Variants in FAT3 observed in about 807,000 individuals in gnomAD.
The protein encoded by FAT3 is FAT atypical cadherin 3, also known as protocadherin Fat 3.
A neutral mutation model predicts 310.2 loss-of-function variants in FAT3; 95 were observed. The observed-to-expected ratio is 0.31, with a 90% CI of 0.26 to 0.36. The LOEUF is 0.36. Among genes scored for constraint, FAT3 ranks in the 10% least tolerant of loss-of-function variants. FAT3 has a pLI of 1.00. For missense variants in FAT3, 5,408 were observed against 5,715.6 expected, an observed-to-expected ratio of 0.95 and a Z score of 1.74; for synonymous variants, 2,314 against 2,192.9, an observed-to-expected ratio of 1.06 and a Z score of -1.54.
Position 92,844,608 on chromosome 11 carries a change from C to T in FAT3, c.11241C>T (p.Asp3747=). 1 of 1,613,660 alleles carries T rather than the reference C, an allele frequency of 6.2e-7. No individual in the cohort carries two copies. Among genetic ancestry groups the T allele is most frequent in the Non-Finnish European group, 8.5e-7 (1 of 1,179,810 alleles). ...AILEKNCSGL[D]CQEQHCEQGL... ...TGGAGAAGAACTGCTCAGGGCTGGA[C>T]TGTCAGGAACAGCATTGTGAGCAAG... Residue 3747 remains aspartate (D), a synonymous_variant, in exon 19 of 28, where the codon GAC becomes GAT. Transcript: ENST00000525166.
At chr11:92,355,529 C>A in intron 2 of FAT3, 125 bp downstream of exon 2, 2 of 874,872 alleles carry the variant, frequency 2.3e-6, no homozygotes, top group East Asian at 2.6e-5. Context: ...GGTGCAGAGA[C>A]GACGCACATA....
chr11:92,475,453 A>G (rs1245983626), intron 2 of FAT3, among the ~76,000 whole-genome samples: 1 of 151,966 alleles, frequency 6.6e-6, no homozygotes, highest in African/African-American at 2.4e-5. Flanking sequence ...CTAGGGTCAG[A>G]GGGAAGGTGA....
chr11:92,276,660 A>G (rs890208151), intron 1 of FAT3, among the ~76,000 whole-genome samples: 1 of 152,158 alleles, frequency 6.6e-6, no homozygotes, highest in African/African-American at 2.4e-5. Context: ...TAGAGTAGAC[A>G]TAGCACAATC....
intron 1 of FAT3, among the ~76,000 whole-genome samples, chr11:92,308,875 C>T (rs1947211246): frequency 6.6e-6 from 1 of 152,014 alleles, no homozygotes; most frequent in East Asian, 1.9e-4. Flanking sequence ...ATAGCAGACC[C>T]AGTTTCCAGG....
rs1565252993 is a variant in FAT3 at position 92,355,167 on chromosome 11, GTC to G, written c.3061_3062del (p.Leu1021ValfsTer7). ...GCGGGCCAAAGACAAAGGGCGGCCTGTCTCTCTGTCATCTGTTTCCTTTGTTG... is the reference window on the plus strand; with the variant it reads ...GCGGGCCAAAGACAAAGGGCGGCCTGTCTCTGTCATCTGTTTCCTTTGTTG... Reference protein sequence around the residue: ...TVRAKDKGRPVSLSSVSFVEV... With the variant: ...TVRAKDKGRPXSLSSVSFVEV... On this transcript the variant is annotated frameshift_variant, in exon 2 of 28. Coordinates refer to ENST00000525166, the MANE Select transcript of FAT3 (RefSeq NM_001367949.2). LOFTEE classifies it high-confidence loss of function. The G allele has an allele frequency of 6.2e-7, 1 of 1,613,806 alleles. No homozygotes were observed. The highest frequency in any genetic ancestry group is 8.5e-7 in the Non-Finnish European group (1 of 1,179,832).
intron 1 of FAT3, among the ~76,000 whole-genome samples, chr11:92,291,884 A>C (rs1443574753): frequency 6.6e-6 from 1 of 152,024 alleles, no homozygotes; most frequent in Non-Finnish European, 1.5e-5. Context: ...AACTCCTTGT[A>C]CTTTGGGATT....
At chr11:92,773,537 A>G (rs1304117223) in intron 6 of FAT3, among the ~76,000 whole-genome samples, 1 of 152,174 alleles carries the variant, frequency 6.6e-6, no homozygotes, top group Admixed American at 6.6e-5. Context: ...TTTAGAATTC[A>G]TAATTTTATT....
chr11:92,268,449 A>G (rs1946028430), intron 1 of FAT3, among the ~76,000 whole-genome samples: 1 of 142,740 alleles, frequency 7.0e-6, no homozygotes, highest in African/African-American at 2.7e-5. Flanking sequence ...GACAATTGTA[A>G]CAGAAATTGG....
chr11:92,232,373 G>A (rs1169031879), intron 1 of FAT3, among the ~76,000 whole-genome samples: 1 of 152,100 alleles, frequency 6.6e-6, no homozygotes, highest in Non-Finnish European at 1.5e-5. Context: ...GGACTGTAAA[G>A]GCATTTCAGA....
rs372559190 is a variant in FAT3, at chr11:92,608,282, C to T, written c.3607+83334C>T. Among the ~76,000 whole-genome samples the T allele has an allele frequency of 1.6e-4, 24 of 152,250 alleles. No homozygotes were observed. The South Asian group carries it at 4.8e-3, about 30-fold the overall frequency. ...TAGTGAGTTGTTTGAGGCAATATTA[C>T]ACACATGAGTTCTGATGGGTTTTAT... is the stretch of plus-strand genomic sequence containing the variant. On this transcript the variant is annotated intron_variant, in intron 3 of 27. Coordinates refer to ENST00000525166, the MANE Select transcript of FAT3 (RefSeq NM_001367949.2).
chr11:92,640,446 G>GAGTCCT (rs1941918238), intron 3 of FAT3, among the ~76,000 whole-genome samples: 1 of 152,174 alleles, frequency 6.6e-6, no homozygotes, highest in African/African-American at 2.4e-5. Context: ...CCTGGTGCCT[G>GAGTCCT]AGTCCTAAGT....
At chr11:92,307,855 G>T (rs2134445780) in intron 1 of FAT3, among the ~76,000 whole-genome samples, 1 of 152,242 alleles carries the variant, frequency 6.6e-6, no homozygotes, top group Middle Eastern at 3.4e-3. Flanking sequence ...TTCATATGCT[G>T]TGATTTAACT....
chr11:92,416,071 TAAAAAAAAAAAA>T, intron 2 of FAT3, among the ~76,000 whole-genome samples: 1 of 73,900 alleles, frequency 1.4e-5, no homozygotes, highest in East Asian at 3.9e-4. Flanking sequence ...CCTGGAAGCC[TAAAAAAAAAAAA>T]AAAAAAAAAA....
intron 7 of FAT3, among the ~76,000 whole-genome samples, chr11:92,779,303 A>G (rs1364153461): frequency 6.6e-6 from 1 of 152,144 alleles, no homozygotes; most frequent in Non-Finnish European, 1.5e-5. Context: ...TGGTATTTAC[A>G]TACCGTTTAC....
At chr11:92,760,022 CACCTGGGAGTGTA>C (rs1379265378) in intron 4 of FAT3, among the ~76,000 whole-genome samples, 2 of 152,128 alleles carry the variant, frequency 1.3e-5, no homozygotes, top group Admixed American at 1.3e-4. Context: ...CAACACAGGT[CACCTGGGAGTGTA>C]ACATTTGCGT....
intron 1 of FAT3, among the ~76,000 whole-genome samples, chr11:92,269,836 A>G (rs1486373614): frequency 6.6e-6 from 1 of 152,108 alleles, no homozygotes; most frequent in African/African-American, 2.4e-5. Flanking sequence ...TCCCCTTCCC[A>G]TTCAGCAGCC....
chr11:92,718,369 G>A (rs189533500), intron 4 of FAT3, among the ~76,000 whole-genome samples: 58 of 152,244 alleles, frequency 3.8e-4, no homozygotes, highest in Admixed American at 3.3e-3. Context: ...GTTATATGGT[G>A]GGTGGGGGTA....
intron 1 of FAT3, among the ~76,000 whole-genome samples, chr11:92,312,801 G>A (rs552372353): frequency 6.6e-6 from 1 of 152,246 alleles, no homozygotes; most frequent in East Asian, 1.9e-4. Context: ...CTGGAACTGG[G>A]CTGTGACCTA....
rs899308932 is a variant in FAT3, at chr11:92,396,527, G to A, written c.3292+41123G>A. On this transcript the variant is annotated intron_variant, in intron 2 of 27. Transcript: ENST00000525166. Reference sequence around the variant, plus strand: ...GTAGGAATTGGGTATTGAGGTATGTGGTATGGATCAGTGGCCTCTCCTGGC... The same window carrying A: ...GTAGGAATTGGGTATTGAGGTATGTAGTATGGATCAGTGGCCTCTCCTGGC... Among the ~76,000 whole-genome samples, 14 of 152,100 alleles carry A rather than the reference G, an allele frequency of 9.2e-5. No homozygotes were observed. The East Asian group carries it at 2.3e-3, about 25-fold the overall frequency.
Sources: gnomAD v4.1 joint callset for allele counts (sites outside exome capture counted in the v4.1 genomes callset) on GRCh38, gnomAD v4.1.1 for gene constraint, MANE v1.5 for transcripts, NCBI Gene and HGNC (gene_info 2026-07-23, HGNC 2026-07-21) for gene names.